Variants in WDR7 observed in about 807,000 individuals in gnomAD.
WDR7 encodes WD repeat domain 7, also known as WD repeat-containing protein 7.
In WDR7, 46 loss-of-function variants were observed where a neutral mutation model predicts 169.4. That is an observed-to-expected ratio of 0.27 (90% CI 0.21 to 0.35). WDR7 has a LOEUF of 0.35. Among genes scored for constraint, WDR7 ranks in the 10% least tolerant of loss-of-function variants. The pLI is 1.00. For missense variants in WDR7, 1,534 were observed against 1,859.3 expected (o/e 0.83, Z 3.22); for synonymous variants, 612 against 666.8 (o/e 0.92, Z 1.27).
intron 16 of WDR7, among the ~76,000 whole-genome samples, chr18:56,771,576 C>CA (rs1260974450): frequency 3.6e-5 from 5 of 140,396 alleles, no homozygotes; most frequent in Middle Eastern, 3.3e-3. Context: ...CACCCCCCCC[C>CA]AAAAAAAGAA....
intron 14 of WDR7, among the ~76,000 whole-genome samples, chr18:56,740,134 A>G (rs1218998725): frequency 2.0e-5 from 3 of 151,786 alleles, no homozygotes; most frequent in Non-Finnish European, 4.4e-5. Flanking sequence ...GTTTCAATGT[A>G]TATATTTTCT....
intron 26 of WDR7, among the ~76,000 whole-genome samples, chr18:56,966,190 T>C (rs1320517908): frequency 6.6e-6 from 1 of 152,122 alleles, no homozygotes; most frequent in Non-Finnish European, 1.5e-5. Flanking sequence ...GTGGGGTCAG[T>C]GCATGGAAAA....
At chr18:56,746,108 C>T (rs919251354) in intron 14 of WDR7, among the ~76,000 whole-genome samples, 3 of 152,122 alleles carry the variant, frequency 2.0e-5, no homozygotes, top group Non-Finnish European at 2.9e-5. Flanking sequence ...TGTCAGTTAT[C>T]TCAGGGAGAC....
At chr18:56,726,907 C>A (rs965929768) in intron 13 of WDR7, among the ~76,000 whole-genome samples, 1 of 152,006 alleles carries the variant, frequency 6.6e-6, no homozygotes, top group Non-Finnish European at 1.5e-5. Context: ...TGGTTCTTTC[C>A]TTGGCCTTGG....
rs1350232736 is a variant in WDR7, at chr18:57,028,237, A to C, written c.*1030A>C. 6.6e-6 allele frequency: 1 copy of C among 152,236 alleles called. No individual in the cohort carries two copies. The highest frequency in any genetic ancestry group is 6.5e-5 in the Admixed American group (1 of 15,290). The allele number at this position is 152,236 out of a possible 1,614,324, so 9.4% of individuals were successfully genotyped here. A position where few individuals can be genotyped will look rare whatever the true frequency, so the allele number is the denominator to read the frequency against. ...GCTAATAAGGTATTTCTTTTAAACA[A>C]GTATTCTGGAAAAGTAATAACTATG... On this transcript the variant is annotated 3_prime_UTR_variant, in exon 28 of 28. Transcript: ENST00000254442.
rs531662879 is a variant in WDR7, at chr18:56,865,089, A to G, written c.3305-14855A>G. 4.6e-5 allele frequency among the ~76,000 whole-genome samples: 7 copies of G among 152,130 alleles called. No homozygotes were observed. The South Asian group carries it at 1.0e-3, about 23-fold the overall frequency. The stretch of plus-strand genomic sequence containing the variant: ...TTGCAGTCTTTTTTGAAAAAGTGAT[A>G]CATGTTTAAAAAGAGTGGTTGAAAC... On this transcript the variant is annotated intron_variant, in intron 20 of 27. Coordinates refer to ENST00000254442, the MANE Select transcript of WDR7 (RefSeq NM_015285.3).
intron 13 of WDR7, among the ~76,000 whole-genome samples, chr18:56,730,157 A>G (rs970165922): frequency 6.6e-6 from 1 of 152,242 alleles, no homozygotes; most frequent in Non-Finnish European, 1.5e-5. Flanking sequence ...CAGGGATACA[A>G]CAGTGAACAA....
intron 19 of WDR7, among the ~76,000 whole-genome samples, chr18:56,798,252 G>T (rs1568201093): frequency 6.6e-6 from 1 of 152,114 alleles, no homozygotes; most frequent in Non-Finnish European, 1.5e-5. Flanking sequence ...GTGGTTATGG[G>T]GTGGGGCAGA....
At chr18:56,829,491 G>C (rs1240820376) in intron 20 of WDR7, among the ~76,000 whole-genome samples, 1 of 152,170 alleles carries the variant, frequency 6.6e-6, no homozygotes, top group Non-Finnish European at 1.5e-5. Context: ...AGTTCTAACT[G>C]TTCCATTTTC....
In WDR7 at chr18:56,757,035, A is replaced by G. The variant is rs2043902551; in HGVS notation, c.2442A>G (p.Glu814=). Residue 814 remains glutamate, a synonymous_variant, in exon 15 of 28, where the codon GAA becomes GAG. Transcript: ENST00000254442. The part of the protein sequence containing the change: ...MSCLHAWGLN[E]VLDEVCLDRL... ...GCCTTCACGCCTGGGGTTTGAATGA[A>G]GTACTGGATGAAGTTTGCCTGGATC... The G allele has an allele frequency of 1.2e-6, 2 of 1,614,046 alleles. No individual in the cohort carries two copies. Among genetic ancestry groups the G allele is most frequent in the African/African-American group, 2.7e-5 (2 of 74,908 alleles).
rs1372915658 is a variant in WDR7, at chr18:56,880,042, G to A, written c.3403G>A (p.Ala1135Thr). 3 of 1,613,970 alleles carry A rather than the reference G, an allele frequency of 1.9e-6. No individual in the cohort carries two copies. The highest frequency in any genetic ancestry group is 2.5e-6 in the Non-Finnish European group (3 of 1,179,998). The change falls in exon 21 of 28, where the codon GCT (alanine) becomes ACT (threonine). Residue 1135 changes from alanine (A) to threonine (T), a missense_variant. Coordinates refer to ENST00000254442, the MANE Select transcript of WDR7 (RefSeq NM_015285.3). ...TATTGTTTTACTTGGAGTAATAGGA[G>A]CTGAATTTGGTGCTGAAATTGAACC... is the stretch of plus-strand genomic sequence containing the variant. ...TAIVLLGVIG[A>T]EFGAEIEPPK...
At chr18:56,660,074 A>G (rs2024871600) in intron 1 of WDR7, among the ~76,000 whole-genome samples, 1 of 152,070 alleles carries the variant, frequency 6.6e-6, no homozygotes, top group Non-Finnish European at 1.5e-5. Flanking sequence ...TGGGATGTGG[A>G]ATGTGTATGT....
At chr18:56,738,162 G>A (rs776085903) in intron 14 of WDR7, among the ~76,000 whole-genome samples, 6 of 152,164 alleles carry the variant, frequency 3.9e-5, no homozygotes, top group East Asian at 1.9e-4. Context: ...TAAAGGAAAC[G>A]TTTGTCCCCT....
chr18:56,820,559 C>A (rs1287690360), intron 20 of WDR7, among the ~76,000 whole-genome samples: 1 of 151,902 alleles, frequency 6.6e-6, no homozygotes, highest in African/African-American at 2.4e-5. Context: ...TTAATAGATG[C>A]AGAGAATAAT....
intron 20 of WDR7, among the ~76,000 whole-genome samples, chr18:56,872,988 A>G (rs1478247348): frequency 6.6e-6 from 1 of 152,208 alleles, no homozygotes; most frequent in Admixed American, 6.5e-5. Context: ...TAATTTAAAG[A>G]TATTTCCAAA....
rs1395115015 is a variant in WDR7, at chr18:56,938,629, A to G, written c.3928A>G (p.Ile1310Val). The G allele has an allele frequency of 1.9e-6, 3 of 1,613,644 alleles. No homozygotes were observed. The highest frequency in any genetic ancestry group is 1.7e-6 in the Non-Finnish European group (2 of 1,179,838). ...AGCTAAAGGGGAAATTTTGAGAGTC[A>G]TTGAAATTCTTATTGAAAAGATGCC... is the stretch of plus-strand genomic sequence containing the variant. ...ARAKGEILRV[I>V]EILIEKMPTD... Residue 1310 changes from isoleucine (I) to valine (V), a missense_variant, in exon 24 of 28, where the codon ATT becomes GTT. Ile to Val is a conservative substitution (Grantham distance 29). Coordinates refer to ENST00000254442, the MANE Select transcript of WDR7 (RefSeq NM_015285.3).
chr18:56,783,725 G>A (rs746535859), intron 19 of WDR7, among the ~76,000 whole-genome samples: 1 of 152,156 alleles, frequency 6.6e-6, no homozygotes, highest in Non-Finnish European at 1.5e-5. Flanking sequence ...CTTGATTATT[G>A]ATTGCTTATA....
At chr18:56,953,015 A>G (rs2047203732) in intron 25 of WDR7, among the ~76,000 whole-genome samples, 1 of 152,190 alleles carries the variant, frequency 6.6e-6, no homozygotes, top group Non-Finnish European at 1.5e-5. Flanking sequence ...ATGCCATTAT[A>G]CATTTGTCAA....
chr18:56,954,518 A>T (rs908076803), intron 25 of WDR7, among the ~76,000 whole-genome samples: 10 of 152,154 alleles, frequency 6.6e-5, no homozygotes, highest in African/African-American at 2.4e-4. Context: ...ATATGTGAAG[A>T]TCAATATTCA....
Sources: gnomAD v4.1 joint callset for allele counts (sites outside exome capture counted in the v4.1 genomes callset) on GRCh38, gnomAD v4.1.1 for gene constraint, MANE v1.5 for transcripts, NCBI Gene and HGNC (gene_info 2026-07-23, HGNC 2026-07-21) for gene names.